DLGAP2: variants seen among roughly 807,000 people sequenced by gnomAD.
DLGAP2 encodes disks large-associated protein 2.
In DLGAP2, 26 loss-of-function variants were observed where a neutral mutation model predicts 100.3. The observed-to-expected ratio is 0.26, with a 90% CI of 0.19 to 0.36. The LOEUF is 0.36. DLGAP2 is among the 10% of genes least tolerant of loss of function. The pLI is 1.00. For synonymous variants in DLGAP2, 886 were observed against 630.1 expected, an observed-to-expected ratio of 1.41 and a Z score of -6.08; for missense variants, 1,858 against 1,453.2, an observed-to-expected ratio of 1.28 and a Z score of -4.53.
intron 3 of DLGAP2, among the ~76,000 whole-genome samples, chr8:1,487,229 T>C (rs746582096): frequency 4.6e-5 from 7 of 152,252 alleles, no homozygotes; most frequent in African/African-American, 7.2e-5. Context: ...TCTGTCATTT[T>C]TTAACAAATG....
intron 6 of DLGAP2, among the ~76,000 whole-genome samples, chr8:1,586,001 G>A (rs11996866): frequency 0.013 from 2,014 of 152,310 alleles, 50 homozygotes; most frequent in African/African-American, 0.047. Context: ...ACGCATTACT[G>A]TACAATTTCC....
At chr8:1,252,353 G>A (rs1035255677) in intron 2 of DLGAP2, among the ~76,000 whole-genome samples, 2 of 144,296 alleles carry the variant, frequency 1.4e-5, no homozygotes, top group Admixed American at 6.9e-5. Context: ...GTCATGTCAT[G>A]TCACACTTGC....
At chr8:1,118,533 G>A (rs537642553) in intron 2 of DLGAP2, among the ~76,000 whole-genome samples, 11 of 150,386 alleles carry the variant, frequency 7.3e-5, no homozygotes, top group African/African-American at 1.7e-4. Context: ...TAAACTGTGC[G>A]AATAGAAATG....
chr8:1,172,687 G>A (rs1439393113), intron 2 of DLGAP2, among the ~76,000 whole-genome samples: 1 of 152,074 alleles, frequency 6.6e-6, no homozygotes, highest in African/African-American at 2.4e-5. Flanking sequence ...GGCTCCTGGG[G>A]CTTCTGCATT....
At chr8:1,200,452 G>A (rs746920515) in intron 2 of DLGAP2, among the ~76,000 whole-genome samples, 2 of 152,178 alleles carry the variant, frequency 1.3e-5, no homozygotes, top group Non-Finnish European at 2.9e-5. Flanking sequence ...CGTTCACACT[G>A]CGATGCTTGT....
chr8:1,310,616 T>G (rs1349315928), intron 3 of DLGAP2, among the ~76,000 whole-genome samples: 1 of 152,190 alleles, frequency 6.6e-6, no homozygotes, highest in Non-Finnish European at 1.5e-5. Flanking sequence ...CTCAATAAAT[T>G]GTAAAAGACT....
intron 2 of DLGAP2, among the ~76,000 whole-genome samples, chr8:1,057,796 A>G (rs1321815196): frequency 6.6e-6 from 1 of 152,192 alleles, no homozygotes; most frequent in Non-Finnish European, 1.5e-5. Flanking sequence ...AAGGGAGATA[A>G]TCTTTAGTTC....
intron 14 of DLGAP2, among the ~76,000 whole-genome samples, chr8:1,699,307 TA>T (rs573467837): frequency 4.1e-4 from 62 of 152,074 alleles, no homozygotes; most frequent in African/African-American, 1.4e-3. Context: ...CCATCTCTAC[TA>T]AAAATACACA....
intron 6 of DLGAP2, chr8:1,619,801 T>G (rs1034726842): frequency 6.6e-6 from 1 of 152,182 alleles, no homozygotes; most frequent in Admixed American, 6.5e-5. Flanking sequence ...TGGCGAGAGG[T>G]TGAGCCAGGA....
At chr8:778,227 T>G (rs1821581551) in intron 1 of DLGAP2, among the ~76,000 whole-genome samples, 1 of 152,190 alleles carries the variant, frequency 6.6e-6, no homozygotes, top group Non-Finnish European at 1.5e-5. Context: ...CTGTATTGGT[T>G]ATTCTAGTTA....
chr8:1,682,473 T>G (rs976577130), intron 12 of DLGAP2, among the ~76,000 whole-genome samples: 2 of 134,988 alleles, frequency 1.5e-5, no homozygotes, highest in Non-Finnish European at 3.1e-5. Flanking sequence ...TCTTAGGATA[T>G]ATAGTATTTT....
intron 2 of DLGAP2, among the ~76,000 whole-genome samples, chr8:1,134,071 C>T (rs2129049497): frequency 6.6e-6 from 1 of 152,144 alleles, no homozygotes; most frequent in African/African-American, 2.4e-5. Flanking sequence ...CATTTAGCTC[C>T]CACTTATAAG....
At chr8:1,037,121 G>A (rs555227634) in intron 2 of DLGAP2, among the ~76,000 whole-genome samples, 23 of 152,224 alleles carry the variant, frequency 1.5e-4, no homozygotes, top group African/African-American at 5.5e-4. Context: ...CCATGGTCAC[G>A]TAGAGAGAGA....
intron 3 of DLGAP2, among the ~76,000 whole-genome samples, chr8:1,476,346 C>A (rs1216580975): frequency 6.6e-6 from 1 of 152,178 alleles, no homozygotes; most frequent in Non-Finnish European, 1.5e-5. Context: ...AATAATCCTG[C>A]AGCACATTCT....
chr8:1,686,487 G>A (rs969992446), intron 12 of DLGAP2, among the ~76,000 whole-genome samples: 15 of 152,154 alleles, frequency 9.9e-5, no homozygotes, highest in Admixed American at 8.5e-4. Context: ...GGCCAACATG[G>A]TGAAACCCTG....
At chr8:1,697,084 C>A in intron 13 of DLGAP2, 63 bp from the exon 14 acceptor site, 2 of 1,421,014 alleles carry the variant, frequency 1.4e-6, no homozygotes, top group Non-Finnish European at 1.8e-6. Context: ...GGAGGAGTGG[C>A]CTCCCCAGCC....
At chr8:946,714 C>CACTCTG (rs1799335447) in intron 2 of DLGAP2, among the ~76,000 whole-genome samples, 1 of 152,180 alleles carries the variant, frequency 6.6e-6, no homozygotes, top group African/African-American at 2.4e-5. Flanking sequence ...CCCATGTTAT[C>CACTCTG]ACTCTGAGTG....
At chr8:783,255 A>T (rs1025250635) in intron 1 of DLGAP2, among the ~76,000 whole-genome samples, 1 of 152,214 alleles carries the variant, frequency 6.6e-6, no homozygotes, top group Non-Finnish European at 1.5e-5. Flanking sequence ...GAAATACTAC[A>T]GAGAATGGTT....
chr8:1,106,169 G>T (rs1215744412), intron 2 of DLGAP2, among the ~76,000 whole-genome samples: 1 of 142,184 alleles, frequency 7.0e-6, no homozygotes, highest in Non-Finnish European at 1.5e-5. Flanking sequence ...TATTGAAGGA[G>T]GCCATTCTAG....
Sources: gnomAD v4.1 joint callset for allele counts (sites outside exome capture counted in the v4.1 genomes callset) on GRCh38, gnomAD v4.1.1 for gene constraint, MANE v1.5 for transcripts, NCBI Gene and HGNC (gene_info 2026-07-23, HGNC 2026-07-21) for gene names.